Variants in PCDH9 observed in about 807,000 individuals in gnomAD.
PCDH9 encodes protocadherin-9.
A neutral mutation model predicts 70.6 loss-of-function variants in PCDH9; 24 were observed. The ratio of observed to expected loss-of-function variants is 0.34; its 90% CI spans 0.25 to 0.48. The LOEUF (loss-of-function observed/expected upper bound fraction) is 0.48. Ranked by LOEUF, PCDH9 falls within the 20% of genes least tolerant of loss-of-function variation. The pLI, the probability that PCDH9 is intolerant of heterozygous loss-of-function variation, is 0.99. For synonymous variants in PCDH9, 562 were observed against 558.5 expected (o/e 1.01, Z -0.09); for missense variants, 1,281 against 1,503.6 (o/e 0.85, Z 2.45).
chr13:66,971,179 C>T (rs1384292812), intron 2 of PCDH9, among the ~76,000 whole-genome samples: 1 of 152,010 alleles, frequency 6.6e-6, no homozygotes, highest in Non-Finnish European at 1.5e-5. Context: ...GTGATTCACT[C>T]GTCTTCAGTG....
chr13:66,953,887 G>A (rs868535894), intron 2 of PCDH9, among the ~76,000 whole-genome samples: 17 of 152,114 alleles, frequency 1.1e-4, no homozygotes, highest in Admixed American at 1.0e-3. Flanking sequence ...CAGAGATACC[G>A]GAAGACGTAA....
At chr13:66,371,432 T>A (rs1266894090) in intron 4 of PCDH9, among the ~76,000 whole-genome samples, 1 of 152,004 alleles carries the variant, frequency 6.6e-6, no homozygotes. Flanking sequence ...TCTGCCTGTA[T>A]AGGAAAGACT....
chr13:66,680,741 A>C (rs1386918499), intron 3 of PCDH9, among the ~76,000 whole-genome samples: 1 of 152,010 alleles, frequency 6.6e-6, no homozygotes, highest in Non-Finnish European at 1.5e-5. Flanking sequence ...GTAAAAAATT[A>C]AACTTCCCCA....
At chr13:66,713,082 T>C (rs1008916058) in intron 3 of PCDH9, among the ~76,000 whole-genome samples, 1 of 152,184 alleles carries the variant, frequency 6.6e-6, no homozygotes, top group African/African-American at 2.4e-5. Flanking sequence ...ACATTAATTT[T>C]TTAGGCAGCA....
chr13:66,955,076 A>G (rs890171667), intron 2 of PCDH9, among the ~76,000 whole-genome samples: 1 of 152,078 alleles, frequency 6.6e-6, no homozygotes, highest in East Asian at 1.9e-4. Context: ...TTAAATCACA[A>G]CTCTGATCAC....
intron 3 of PCDH9, among the ~76,000 whole-genome samples, chr13:66,875,006 G>T (rs1034109122): frequency 2.0e-5 from 3 of 151,196 alleles, no homozygotes; most frequent in African/African-American, 7.3e-5. Context: ...GAGATAATGA[G>T]AAGTTATCAG....
chr13:66,902,096 A>G (rs1349904670), intron 3 of PCDH9, among the ~76,000 whole-genome samples: 1 of 151,670 alleles, frequency 6.6e-6, no homozygotes, highest in Non-Finnish European at 1.5e-5. Context: ...ATTATCTTAG[A>G]TAGTTGAAAC....
intron 3 of PCDH9, among the ~76,000 whole-genome samples, chr13:66,769,802 A>G (rs2079776974): frequency 6.6e-6 from 1 of 152,116 alleles, no homozygotes; most frequent in African/African-American, 2.4e-5. Flanking sequence ...ATCTGGCCAA[A>G]TCTCATATTT....
At chr13:67,073,644 G>T (rs535789300) in intron 2 of PCDH9, among the ~76,000 whole-genome samples, 1 of 152,032 alleles carries the variant, frequency 6.6e-6, no homozygotes, top group South Asian at 2.1e-4. Context: ...AAATTTTGAA[G>T]ATCTAAAACT....
rs2080948139 is a variant in PCDH9 at position 66,832,646 on chromosome 13, T to C, written c.3138+70858A>G. 2.0e-5 allele frequency among the ~76,000 whole-genome samples: 3 copies of C among 152,146 alleles called. No individual in the cohort carries two copies. In the South Asian group the frequency reaches 6.2e-4, roughly 31 times the overall value. On this transcript the variant is annotated intron_variant, in intron 3 of 4. Coordinates refer to ENST00000377865, the MANE Select transcript of PCDH9 (RefSeq NM_203487.3). Reference sequence around the variant, plus strand: ...TATGGGATGATACCATCTGGATACATTTAGGTTACAATGCATAAATGGCTT... The same window carrying C: ...TATGGGATGATACCATCTGGATACACTTAGGTTACAATGCATAAATGGCTT...
intron 4 of PCDH9, among the ~76,000 whole-genome samples, chr13:66,519,978 A>G (rs886589816): frequency 3.3e-5 from 5 of 152,114 alleles, no homozygotes; most frequent in South Asian, 4.1e-4. Flanking sequence ...TGTTACTCAG[A>G]TAGTTCTTTT....
At chr13:66,613,246 C>A (rs994591530) in intron 4 of PCDH9, among the ~76,000 whole-genome samples, 1 of 152,172 alleles carries the variant, frequency 6.6e-6, no homozygotes, top group African/African-American at 2.4e-5. Context: ...GCAGACTTCC[C>A]CGTCCCTGGC....
chr13:66,527,912 G>A (rs1314379970), intron 4 of PCDH9, among the ~76,000 whole-genome samples: 1 of 152,068 alleles, frequency 6.6e-6, no homozygotes, highest in Non-Finnish European at 1.5e-5. Context: ...CAGCTACTTG[G>A]GAGGCTGAGG....
chr13:66,517,545 A>T (rs1258380993), intron 4 of PCDH9, among the ~76,000 whole-genome samples: 2 of 152,200 alleles, frequency 1.3e-5, no homozygotes, highest in African/African-American at 4.8e-5. Flanking sequence ...TGTTCTTCAC[A>T]GAGCCTCTTA....
chr13:66,327,968 A>G (rs1955876295), intron 4 of PCDH9, among the ~76,000 whole-genome samples: 1 of 152,214 alleles, frequency 6.6e-6, no homozygotes, highest in Admixed American at 6.5e-5. Context: ...GATTTGGTAT[A>G]ATCTGACATC....
At position 67,195,631 on chromosome 13, in the gene PCDH9, C is replaced by T. The variant is rs533113647; in HGVS notation, c.3036+29774G>A. 6.6e-5 allele frequency among the ~76,000 whole-genome samples: 10 copies of T among 151,960 alleles called. No homozygotes were observed. In the East Asian group the frequency reaches 1.9e-3, roughly 29 times the overall value. On this transcript the variant is annotated intron_variant, in intron 2 of 4. Coordinates refer to ENST00000377865, the MANE Select transcript of PCDH9 (RefSeq NM_203487.3). The stretch of plus-strand genomic sequence containing the variant: ...CTTTGGGGAGAAATTATTCATATTT[C>T]TGGGGATATAAGAATGAATTATTAT...
At chr13:67,096,538 G>A (rs2138226817) in intron 2 of PCDH9, among the ~76,000 whole-genome samples, 1 of 152,228 alleles carries the variant, frequency 6.6e-6, no homozygotes, top group South Asian at 2.1e-4. Flanking sequence ...TCAAGGAAGA[G>A]GATCCTGATT....
chr13:66,585,832 G>T (rs2076955394), intron 4 of PCDH9, among the ~76,000 whole-genome samples: 1 of 152,030 alleles, frequency 6.6e-6, no homozygotes, highest in Non-Finnish European at 1.5e-5. Context: ...AATGATCTTA[G>T]AATAAGAATA....
At chr13:66,995,441 C>T (rs1030970276) in intron 2 of PCDH9, among the ~76,000 whole-genome samples, 3 of 152,040 alleles carry the variant, frequency 2.0e-5, no homozygotes, top group African/African-American at 7.2e-5. Flanking sequence ...TGCTTGAGTG[C>T]TGGTGCATAA....
Sources: gnomAD v4.1 joint callset for allele counts (sites outside exome capture counted in the v4.1 genomes callset) on GRCh38, gnomAD v4.1.1 for gene constraint, MANE v1.5 for transcripts, NCBI Gene and HGNC (gene_info 2026-07-23, HGNC 2026-07-21) for gene names.